Variants in SUMF1 observed in about 807,000 individuals in gnomAD.
The protein encoded by SUMF1 is sulfatase modifying factor 1.
SUMF1 carries 48 observed loss-of-function variants against 47.6 expected under a neutral mutation model. That is an observed-to-expected ratio of 1.01 (90% confidence interval 0.80 to 1.28). The LOEUF (loss-of-function observed/expected upper bound fraction) is 1.28. Among genes scored for constraint, SUMF1 ranks in the 50% most tolerant of loss-of-function variants. The pLI is 0.00. For synonymous variants in SUMF1, 230 were observed against 192.1 expected (o/e 1.20, Z -1.63); for missense variants, 571 against 485.4 (o/e 1.18, Z -1.66).
intron 8 of SUMF1, among the ~76,000 whole-genome samples, chr3:4,154,482 T>C (rs1475553546): frequency 6.6e-6 from 1 of 151,696 alleles, no homozygotes. Context: ...TTATTTCATC[T>C]GATCCTTGCC....
intron 8 of SUMF1, among the ~76,000 whole-genome samples, chr3:4,178,142 A>T (rs1458417511): frequency 6.6e-6 from 1 of 152,238 alleles, no homozygotes; most frequent in Non-Finnish European, 1.5e-5. Context: ...TTTCTTCTGG[A>T]ACTATTCCAA....
At chr3:4,235,137 C>A (rs1297844164) in intron 8 of SUMF1, among the ~76,000 whole-genome samples, 1 of 152,060 alleles carries the variant, frequency 6.6e-6, no homozygotes, top group Non-Finnish European at 1.5e-5. Context: ...AGAGCAACAG[C>A]AGTAGAGACA....
rs529155154 is a variant in SUMF1, at chr3:4,405,938, G to A, written c.954+4927C>T. ...AGCAAAGTTTTCATGGAGAGAATGA[G>A]TATGTGATAAGCCAACAAAAGGTAA... On this transcript the variant is annotated intron_variant, in intron 7 of 8. Transcript: ENST00000272902. Among the ~76,000 whole-genome samples, 7 of 152,290 alleles carry A rather than the reference G, an allele frequency of 4.6e-5. No homozygotes were observed. The East Asian group carries it at 1.3e-3, about 29-fold the overall frequency.
intron 8 of SUMF1, among the ~76,000 whole-genome samples, chr3:4,297,442 G>A (rs565671687): frequency 1.3e-5 from 2 of 152,026 alleles, no homozygotes; most frequent in South Asian, 2.1e-4. Context: ...TCTCTCCGTC[G>A]CCCAATCCAG....
intron 8 of SUMF1, among the ~76,000 whole-genome samples, chr3:4,083,953 T>C (rs895385158): frequency 6.6e-6 from 1 of 152,130 alleles, no homozygotes; most frequent in African/African-American, 2.4e-5. Context: ...TTTTTCTCTG[T>C]ACTTTATGAT....
At chr3:4,130,150 T>C (rs1681040704) in intron 8 of SUMF1, among the ~76,000 whole-genome samples, 1 of 152,324 alleles carries the variant, frequency 6.6e-6, no homozygotes, top group Non-Finnish European at 1.5e-5. Context: ...ATTTGGCCTG[T>C]GCAGAAGACA....
chr3:4,368,371 A>C (rs553250600), intron 8 of SUMF1, among the ~76,000 whole-genome samples: 2 of 152,332 alleles, frequency 1.3e-5, no homozygotes, highest in African/African-American at 2.4e-5. Context: ...AAATAGAGAC[A>C]CTTTTGCACT....
chr3:4,163,149 A>G (rs1259075059), intron 8 of SUMF1, among the ~76,000 whole-genome samples: 1 of 151,764 alleles, frequency 6.6e-6, no homozygotes, highest in African/African-American at 2.4e-5. Context: ...CTACTGCTAC[A>G]CCTAGGAAAT....
intron 8 of SUMF1, among the ~76,000 whole-genome samples, chr3:4,307,213 G>C (rs1698222638): frequency 6.6e-6 from 1 of 152,184 alleles, no homozygotes; most frequent in Non-Finnish European, 1.5e-5. Flanking sequence ...TTCAGTTTCT[G>C]GGTCTTCAGT....
At chr3:4,348,297 C>T (rs374869865) in intron 8 of SUMF1, among the ~76,000 whole-genome samples, 11 of 152,268 alleles carry the variant, frequency 7.2e-5, no homozygotes, top group Admixed American at 2.6e-4. Context: ...GCTACAGTAA[C>T]CAAAACAGCA....
intron 8 of SUMF1, among the ~76,000 whole-genome samples, chr3:4,339,907 C>T (rs577766695): frequency 6.6e-6 from 1 of 152,210 alleles, no homozygotes; most frequent in East Asian, 1.9e-4. Context: ...CAAAACCCCA[C>T]CTCTACAAAA....
chr3:4,370,668 AC>A (rs1700142075), intron 8 of SUMF1, among the ~76,000 whole-genome samples: 1 of 152,136 alleles, frequency 6.6e-6, no homozygotes, highest in Non-Finnish European at 1.5e-5. Flanking sequence ...ATATCTGAAG[AC>A]CCCGGTATAT....
At chr3:4,075,742 C>T (rs1231008342) in intron 8 of SUMF1, among the ~76,000 whole-genome samples, 5 of 152,032 alleles carry the variant, frequency 3.3e-5, no homozygotes, top group Admixed American at 6.6e-5. Context: ...TTCACAATTG[C>T]TACAAACAGA....
intron 8 of SUMF1, among the ~76,000 whole-genome samples, chr3:4,347,137 T>C (rs756497563): frequency 2.0e-5 from 3 of 152,234 alleles, no homozygotes; most frequent in African/African-American, 7.2e-5. Context: ...CTTCTGAAAC[T>C]ATTCCAAACA....
intron 8 of SUMF1, among the ~76,000 whole-genome samples, chr3:4,098,179 T>C (rs1473509998): frequency 1.3e-5 from 2 of 152,124 alleles, no homozygotes; most frequent in African/African-American, 4.8e-5. Context: ...AATAACTCAG[T>C]GGTAGAGCAT....
rs187320341 is a variant in SUMF1, at chr3:4,425,708, T to C, written c.520-5562A>G. Among the ~76,000 whole-genome samples the C allele has an allele frequency of 1.7e-3, 260 of 152,166 alleles. 1 individual carries two copies. The highest frequency in any genetic ancestry group is 0.01 in the Middle Eastern group (3 of 294). ...TCTAAAGCAAGCAGCACCATGAGGG[T>C]AGGGCAAGGGGAGTGTATTAGTCCA... On this transcript the variant is annotated intron_variant, in intron 3 of 8. Transcript: ENST00000272902.
chr3:4,135,020 C>T (rs576492023), intron 8 of SUMF1, among the ~76,000 whole-genome samples: 43 of 152,120 alleles, frequency 2.8e-4, no homozygotes, highest in Non-Finnish European at 5.6e-4. Context: ...CAGATGGATT[C>T]ACAGCCGAAT....
At chr3:4,339,912 A>AC (rs1354117281) in intron 8 of SUMF1, among the ~76,000 whole-genome samples, 1 of 152,084 alleles carries the variant, frequency 6.6e-6, no homozygotes, top group Non-Finnish European at 1.5e-5. Flanking sequence ...CCCCACCTCT[A>AC]CAAAAAATGC....
At chr3:4,410,790 T>G in intron 7 of SUMF1, 75 bp downstream of exon 7, 2 of 1,327,152 alleles carry the variant, frequency 1.5e-6, no homozygotes, top group Non-Finnish European at 2.2e-6. Context: ...CGGAAACACA[T>G]GACAGCCTGG....
Sources: allele counts gnomAD v4.1 joint callset (sites outside exome capture counted in the v4.1 genomes callset), GRCh38; gene constraint gnomAD v4.1.1; transcripts MANE v1.5; gene names NCBI Gene and HGNC (gene_info 2026-07-23, HGNC 2026-07-21).